The following RHBDD1 variants were observed in gnomAD, a reference collection of about 807,000 sequenced individuals.
RHBDD1 encodes rhomboid-related protein 4.
In RHBDD1, 38 loss-of-function variants were observed where a neutral mutation model predicts 36.3. The observed-to-expected ratio is 1.05, with a 90% CI of 0.81 to 1.37. RHBDD1 has a LOEUF of 1.37. Ranked by LOEUF, RHBDD1 falls within the 40% of genes most tolerant of loss-of-function variation. The pLI is 0.00. For synonymous variants in RHBDD1, 151 were observed against 136.5 expected (o/e 1.11, Z -0.74); for missense variants, 393 against 377.6 (o/e 1.04, Z -0.34).
rs912610502 is a variant in RHBDD1 at position 226,997,107 on chromosome 2, A to C, written c.*1585A>C. The C allele has an allele frequency of 6.6e-6, 1 of 152,204 alleles. No individual in the cohort carries two copies. The highest frequency in any genetic ancestry group is 2.4e-5 in the African/African-American group (1 of 41,448). The allele number at this position is 152,204 out of a possible 1,614,324, so 9.4% of individuals were successfully genotyped here. On this transcript the variant is annotated 3_prime_UTR_variant, in exon 9 of 9. Coordinates refer to ENST00000392062, the MANE Select transcript of RHBDD1 (RefSeq NM_001167608.3). ...TTGACACCTGCATGGAAATGAGCTAAGAAAACCACTGGAGCCTTGGGAGCT... is the reference window on the plus strand; with the variant it reads ...TTGACACCTGCATGGAAATGAGCTACGAAAACCACTGGAGCCTTGGGAGCT...
chr2:226,916,751 T>G (rs1302912937), intron 8 of RHBDD1, among the ~76,000 whole-genome samples: 1 of 152,142 alleles, frequency 6.6e-6, no homozygotes, highest in Non-Finnish European at 1.5e-5. Context: ...AAACCTCCCA[T>G]GTTAAATGTA....
At chr2:226,863,330 T>C (rs1328606476) in intron 3 of RHBDD1, among the ~76,000 whole-genome samples, 1 of 152,208 alleles carries the variant, frequency 6.6e-6, no homozygotes, top group Admixed American at 6.5e-5. Context: ...CAGAGTGAGA[T>C]TCTGGCTCTA....
In RHBDD1 at chr2:226,984,341, A is replaced by G. The variant is rs528849053; in HGVS notation, c.857-11090A>G. Among the ~76,000 whole-genome samples the G allele has an allele frequency of 3.3e-5, 5 of 152,334 alleles. 1 individual carries two copies. The highest frequency in any genetic ancestry group is 1.2e-4 in the African/African-American group (5 of 41,574). On this transcript the variant is annotated intron_variant, in intron 8 of 8. Coordinates refer to ENST00000392062, the MANE Select transcript of RHBDD1 (RefSeq NM_001167608.3). ...TTCCAGGTACTAATATGATCAGGTT[A>G]TAGTGGGGTCCCTCTTCCTGGATTA...
intron 8 of RHBDD1, among the ~76,000 whole-genome samples, chr2:226,983,414 G>T (rs368260527): frequency 6.6e-6 from 1 of 152,154 alleles, no homozygotes; most frequent in South Asian, 2.1e-4. Flanking sequence ...TTTATTTGCT[G>T]CTAGTCAGTC....
intron 8 of RHBDD1, among the ~76,000 whole-genome samples, chr2:226,931,681 G>A (rs985058919): frequency 1.1e-4 from 16 of 151,918 alleles, no homozygotes; most frequent in Non-Finnish European, 1.3e-4. Context: ...TGGACTTTCT[G>A]TATTTTTTTC....
chr2:226,918,080 A>T (rs1949040645), intron 8 of RHBDD1, among the ~76,000 whole-genome samples: 2 of 152,086 alleles, frequency 1.3e-5, no homozygotes, highest in East Asian at 3.8e-4. Context: ...TAATTTTAAC[A>T]TATAATCCAA....
intron 8 of RHBDD1, among the ~76,000 whole-genome samples, chr2:226,917,997 G>T (rs1949031943): frequency 6.6e-6 from 1 of 151,890 alleles, no homozygotes; most frequent in Admixed American, 6.6e-5. Flanking sequence ...CTTTGACAAA[G>T]AATTAATATA....
chr2:226,993,778 C>T (rs573765583), intron 8 of RHBDD1, among the ~76,000 whole-genome samples: 6 of 152,144 alleles, frequency 3.9e-5, no homozygotes, highest in Non-Finnish European at 7.4e-5. Flanking sequence ...TTGAATTTCT[C>T]TTTGACAACG....
chr2:226,992,398 C>T (rs551767092), intron 8 of RHBDD1, among the ~76,000 whole-genome samples: 1 of 152,200 alleles, frequency 6.6e-6, no homozygotes, highest in Non-Finnish European at 1.5e-5. Flanking sequence ...CAAAGCAATT[C>T]GGCCATTCTT....
At chr2:226,809,575 A>G in the RHBDD1 span, among the ~76,000 whole-genome samples, 1 of 150,578 alleles carries the variant, frequency 6.6e-6, no homozygotes, top group African/African-American at 2.4e-5. Context: ...TCACTATGCA[A>G]TTTAGTCTTG....
intron 2 of RHBDD1, among the ~76,000 whole-genome samples, 183 bp downstream of exon 2, chr2:226,838,337 T>A (rs993863439): frequency 1.3e-5 from 2 of 152,244 alleles, no homozygotes; most frequent in African/African-American, 4.8e-5. Flanking sequence ...TCATGAAATG[T>A]TTATTTTTCG....
chr2:226,908,114 C>T (rs1319018704), intron 6 of RHBDD1: 4 of 152,196 alleles, frequency 2.6e-5, no homozygotes, highest in Admixed American at 2.6e-4. Context: ...TTCTACACCA[C>T]TCCATTTTCA....
chr2:226,904,976 A>G lies in RHBDD1; in HGVS notation c.567-1817A>G, dbSNP rs572571146. The stretch of plus-strand genomic sequence containing the variant: ...CTGGCACACTTGAGCCATTTACTCA[A>G]CATATCCTTGAGTGCCTCTCATGTG... On this transcript the variant is annotated intron_variant, in intron 5 of 8. Transcript: ENST00000392062. 5.3e-5 allele frequency among the ~76,000 whole-genome samples: 8 copies of G among 152,108 alleles called. No homozygotes were observed. In the East Asian group the frequency reaches 5.8e-4, roughly 11 times the overall value.
At position 226,995,702 on chromosome 2, in the gene RHBDD1, G is replaced by A. The variant is rs955012124; in HGVS notation, c.*180G>A. The A allele has an allele frequency of 8.3e-6, 5 of 602,462 alleles. No individual in the cohort carries two copies. Among genetic ancestry groups the A allele is most frequent in the Admixed American group, 3.0e-5 (1 of 32,944 alleles). The allele number at this position is 602,462 out of a possible 1,614,324, so 37.3% of individuals were successfully genotyped here. A position where few individuals can be genotyped will look rare whatever the true frequency, so the allele number is the denominator to read the frequency against. On this transcript the variant is annotated 3_prime_UTR_variant, in exon 9 of 9. Transcript: ENST00000392062. ...CCCTATGAGTCAACTCACAGCTTGC[G>A]GGGAGTGGGCCTTCTCCTGGCCTTG... is the stretch of plus-strand genomic sequence containing the variant.
intron 8 of RHBDD1, among the ~76,000 whole-genome samples, chr2:226,955,860 A>G (rs915165991): frequency 2.0e-5 from 3 of 152,144 alleles, no homozygotes; most frequent in African/African-American, 7.2e-5. Context: ...TTAGGGCCGA[A>G]TCTCCAAATA....
intron 8 of RHBDD1, among the ~76,000 whole-genome samples, chr2:226,987,197 G>T: frequency 6.6e-6 from 1 of 152,148 alleles, no homozygotes; most frequent in African/African-American, 2.4e-5. Context: ...GCAAGGGGAG[G>T]CATAGCATTA....
chr2:226,988,556 A>C, intron 8 of RHBDD1: 1 of 1,414,936 alleles, frequency 7.1e-7, no homozygotes, highest in South Asian at 1.7e-5. Context: ...CTCTCTGCGG[A>C]CTGGTGTGGA....
chr2:226,936,010 A>T (rs1271157957), intron 8 of RHBDD1, among the ~76,000 whole-genome samples: 2 of 152,144 alleles, frequency 1.3e-5, no homozygotes, highest in African/African-American at 4.8e-5. Context: ...GAGATGTACG[A>T]CTAATTCTGT....
intron 5 of RHBDD1, among the ~76,000 whole-genome samples, chr2:226,903,680 C>T (rs910333837): frequency 2.0e-5 from 3 of 152,052 alleles, no homozygotes; most frequent in African/African-American, 2.4e-5. Context: ...TAGAAGAGGG[C>T]GGTTCCCAGC....
Sources: allele counts gnomAD v4.1 joint callset (sites outside exome capture counted in the v4.1 genomes callset), GRCh38; gene constraint gnomAD v4.1.1; transcripts MANE v1.5; gene names NCBI Gene and HGNC (gene_info 2026-07-23, HGNC 2026-07-21).